Variants in PRKACB observed in about 807,000 individuals in gnomAD.
PRKACB encodes protein kinase cAMP-activated catalytic subunit beta, also known as cAMP-dependent protein kinase catalytic subunit beta.
Under a neutral mutation model 51.4 loss-of-function variants are expected in PRKACB, and 16 were observed. That is an observed-to-expected ratio of 0.31 (90% CI 0.21 to 0.47). The LOEUF (loss-of-function observed/expected upper bound fraction) is 0.47, where lower values mean the gene tolerates loss of function less well. PRKACB is among the 20% of genes least tolerant of loss of function. The pLI is 1.00. For missense variants in PRKACB, 309 were observed against 464.5 expected (o/e 0.67, Z 3.08); for synonymous variants, 147 against 154.4 (o/e 0.95, Z 0.35).
intron 5 of PRKACB, among the ~76,000 whole-genome samples, chr1:84,186,780 G>A (rs1175920327): frequency 6.6e-6 from 1 of 152,130 alleles, no homozygotes; most frequent in Admixed American, 6.6e-5. Context: ...GGGTGTCTAT[G>A]TAGGGACCTG....
At chr1:84,209,649 AG>A (rs1000042051) in intron 8 of PRKACB, among the ~76,000 whole-genome samples, 2 of 152,226 alleles carry the variant, frequency 1.3e-5, no homozygotes, top group African/African-American at 4.8e-5. Flanking sequence ...TTTTCTTCAG[AG>A]TAAAAGTCGA....
chr1:84,091,939 A>G (rs904675845), intron 1 of PRKACB, among the ~76,000 whole-genome samples: 3 of 152,198 alleles, frequency 2.0e-5, no homozygotes, highest in East Asian at 3.8e-4. Context: ...ATCTGTAACA[A>G]TAACAGTGGG....
In PRKACB at chr1:84,176,553, A is replaced by T. The variant is rs184038156; in HGVS notation, c.188-2624A>T. On this transcript the variant is annotated intron_variant, in intron 1 of 9. Transcript: ENST00000370685. ...AATAATTATGTTTATCTTTGCATCT[A>T]CATAGTACACATAAAAACTAGAGAT... Among the ~76,000 whole-genome samples the T allele has an allele frequency of 1.7e-3, 259 of 151,922 alleles. 1 individual carries two copies. The highest frequency in any genetic ancestry group is 4.3e-3 in the Admixed American group (65 of 15,220).
At chr1:84,113,286 A>G (rs114805471) in intron 1 of PRKACB, among the ~76,000 whole-genome samples, 2,040 of 152,230 alleles carry the variant, frequency 0.013, 52 homozygotes, top group African/African-American at 0.046. Context: ...ATGGGCATAA[A>G]CTGTGACCCA....
intron 1 of PRKACB, chr1:84,086,265 C>A (rs1048777230): frequency 4.3e-6 from 6 of 1,389,086 alleles, no homozygotes; most frequent in African/African-American, 1.4e-5. Flanking sequence ...TCCCTTGCCC[C>A]CATGGGACCC....
chr1:84,082,468 T>C (rs961303131), intron 1 of PRKACB, among the ~76,000 whole-genome samples: 2 of 152,236 alleles, frequency 1.3e-5, no homozygotes, highest in African/African-American at 4.8e-5. Flanking sequence ...ACTAATTTTA[T>C]GTACTTAAAG....
intron 8 of PRKACB, among the ~76,000 whole-genome samples, chr1:84,207,456 C>T (rs1325163242): frequency 1.3e-5 from 2 of 150,902 alleles, no homozygotes; most frequent in Admixed American, 6.6e-5. Flanking sequence ...ATATCTATAA[C>T]ATGCCTAGCG....
intron 9 of PRKACB, among the ~76,000 whole-genome samples, chr1:84,218,374 A>G (rs1039086371): frequency 8.5e-5 from 13 of 152,148 alleles, no homozygotes; most frequent in African/African-American, 3.1e-4. Flanking sequence ...CTAAGAGATC[A>G]ACTTTTTTAG....
chr1:84,194,616 TC>T (rs1667685499), intron 5 of PRKACB, among the ~76,000 whole-genome samples: 1 of 152,184 alleles, frequency 6.6e-6, no homozygotes, highest in Admixed American at 6.5e-5. Flanking sequence ...CATTTTACTT[TC>T]ACCTTTCAAG....
chr1:84,091,395 A>G (rs1648456920), intron 1 of PRKACB, among the ~76,000 whole-genome samples: 1 of 152,198 alleles, frequency 6.6e-6, no homozygotes, highest in African/African-American at 2.4e-5. Flanking sequence ...TACATGCACA[A>G]CCTGGTTTAA....
chr1:84,170,288 C>T (rs1659004840), intron 1 of PRKACB, among the ~76,000 whole-genome samples: 1 of 151,576 alleles, frequency 6.6e-6, no homozygotes, highest in African/African-American at 2.4e-5. Flanking sequence ...AGGATCATAA[C>T]CTCAGTGAAA....
At chr1:84,108,373 A>G (rs1033315108) in intron 1 of PRKACB, among the ~76,000 whole-genome samples, 3 of 151,966 alleles carry the variant, frequency 2.0e-5, no homozygotes, top group African/African-American at 4.8e-5. Flanking sequence ...AGAAGAAAAG[A>G]AAAAGAAAAA....
intron 1 of PRKACB, among the ~76,000 whole-genome samples, chr1:84,116,592 A>T (rs1283357198): frequency 6.6e-6 from 1 of 152,144 alleles, no homozygotes; most frequent in East Asian, 1.9e-4. Flanking sequence ...TATTTTAAAT[A>T]TGATTGGCTT....
rs41300526 is a variant in PRKACB at position 84,181,802 on chromosome 1, GTATGGCTTC to G, written c.250-393_250-385del. On this transcript the variant is annotated intron_variant, in intron 2 of 9. Transcript: ENST00000370685. ...AGTTATTTGCAAGTGCATTAAGTCT[GTATGGCTTC>G]TATGACTCTTTGTCAGTATGCCTCT... The G allele has an allele frequency of 2.7e-3, 2,971 of 1,084,714 alleles. 78 individuals carry two copies. The African/African-American group carries it at 0.044, about 16-fold the overall frequency. 67.2% of individuals were successfully genotyped at this position (1,084,714 alleles called of 1,614,324 possible).
chr1:84,199,511 C>T (rs1276747912), intron 7 of PRKACB, among the ~76,000 whole-genome samples: 5 of 152,224 alleles, frequency 3.3e-5, no homozygotes, highest in South Asian at 2.1e-4. Flanking sequence ...CATAGTATTC[C>T]GTAGTGTATA....
At chr1:84,093,647 T>C (rs181709366) in intron 1 of PRKACB, among the ~76,000 whole-genome samples, 217 of 152,068 alleles carry the variant, frequency 1.4e-3, no homozygotes, top group African/African-American at 5.0e-3. Context: ...ACGAACCTTA[T>C]AGGAATCTTG....
chr1:84,098,847 G>A (rs970669523), intron 1 of PRKACB, among the ~76,000 whole-genome samples: 3 of 152,022 alleles, frequency 2.0e-5, no homozygotes, highest in Non-Finnish European at 2.9e-5. Flanking sequence ...TATAATGCTC[G>A]GCTTTGGAAT....
chr1:84,179,046 T>A (rs1252459852), intron 1 of PRKACB, 131 bp from the exon 2 acceptor site: 3 of 1,092,260 alleles, frequency 2.7e-6, no homozygotes, highest in Admixed American at 5.2e-5. Flanking sequence ...ATCATGGTGA[T>A]AAATATACAT....
intron 1 of PRKACB, among the ~76,000 whole-genome samples, chr1:84,171,537 G>T (rs1245050908): frequency 6.6e-6 from 1 of 151,566 alleles, no homozygotes; most frequent in African/African-American, 2.4e-5. Flanking sequence ...TTGAAAAAGA[G>T]AAAATACTCT....
Sources: allele counts gnomAD v4.1 joint callset (sites outside exome capture counted in the v4.1 genomes callset), GRCh38; gene constraint gnomAD v4.1.1; transcripts MANE v1.5; gene names NCBI Gene and HGNC (gene_info 2026-07-23, HGNC 2026-07-21).